SEC14L1: variants seen among roughly 807,000 people sequenced by gnomAD.
The protein encoded by SEC14L1 is SEC14 like lipid binding 1, also known as SEC14-like protein 1.
A neutral mutation model predicts 85.3 loss-of-function variants in SEC14L1; 48 were observed. The ratio of observed to expected loss-of-function variants is 0.56; its 90% CI spans 0.45 to 0.72. The LOEUF (loss-of-function observed/expected upper bound fraction) is 0.72. Among genes scored for constraint, SEC14L1 ranks in the 30% least tolerant of loss-of-function variants. SEC14L1 has a pLI of 0.00. For missense variants in SEC14L1, 682 were observed against 921.4 expected (o/e 0.74, Z 3.36); for synonymous variants, 391 against 355.5 (o/e 1.10, Z -1.12).
chr17:77,153,167 C>T (rs1973643616), intron 3 of SEC14L1, among the ~76,000 whole-genome samples: 1 of 152,084 alleles, frequency 6.6e-6, no homozygotes, highest in African/African-American at 2.4e-5. Flanking sequence ...TCCCGGGTTC[C>T]AGCGATTCTC....
At chr17:77,104,803 A>G (rs977138265) in intron 3 of SEC14L1, among the ~76,000 whole-genome samples, 2 of 151,288 alleles carry the variant, frequency 1.3e-5, no homozygotes, top group Admixed American at 6.6e-5. Context: ...AAAAAAAAAA[A>G]AAAAGAAAGT....
At chr17:77,124,744 G>A (rs1355885870) in intron 3 of SEC14L1, among the ~76,000 whole-genome samples, 1 of 152,130 alleles carries the variant, frequency 6.6e-6, no homozygotes, top group Non-Finnish European at 1.5e-5. Context: ...CAGGTTTACT[G>A]AGTCCATATA....
intron 3 of SEC14L1, among the ~76,000 whole-genome samples, chr17:77,168,865 A>G (rs762623143): frequency 3.3e-5 from 5 of 152,084 alleles, no homozygotes; most frequent in Non-Finnish European, 5.9e-5. Flanking sequence ...ATTTTTGTTT[A>G]TAGTTGACCA....
chr17:77,209,516 T>C, intron 14 of SEC14L1, 40 bp downstream of exon 14: 2 of 1,605,284 alleles, frequency 1.2e-6, no homozygotes, highest in Non-Finnish European at 1.7e-6. Flanking sequence ...CGGCCCTTCC[T>C]CCGCAGAGGG....
intron 3 of SEC14L1, among the ~76,000 whole-genome samples, chr17:77,099,657 G>A (rs1971722052): frequency 6.6e-6 from 1 of 152,180 alleles, no homozygotes; most frequent in Non-Finnish European, 1.5e-5. Flanking sequence ...CTTGGAGGCT[G>A]AGGCAGGAGA....
In SEC14L1 at chr17:77,213,902, C is replaced by T. The variant is rs981973550; in HGVS notation, c.2043-16C>T. ...AGGGTGGTCCTCACGCCTCGCCCCT[C>T]CCTGTGCCATTACAGAGGTTCCATG... On this transcript the variant is annotated splice_polypyrimidine_tract_variant and intron_variant, in intron 16 of 16. Coordinates refer to ENST00000436233, the MANE Select transcript of SEC14L1 (RefSeq NM_001143998.2). This position sits in a 1 kb window ranked among gnomAD's most constrained non-coding sequence, Gnocchi z 7.1. 1 of 1,612,060 alleles carries T rather than the reference C, an allele frequency of 6.2e-7. No homozygotes were observed. Among genetic ancestry groups the T allele is most frequent in the Non-Finnish European group, 8.5e-7 (1 of 1,179,126 alleles).
Position 77,214,542 on chromosome 17 carries a change from G to T in SEC14L1, c.*519G>T. On this transcript the variant is annotated 3_prime_UTR_variant, in exon 17 of 17. Coordinates refer to ENST00000436233, the MANE Select transcript of SEC14L1 (RefSeq NM_001143998.2). ...TGTGGACTTAGGGCCAGCCCTTGAG[G>T]TCCTTATCCTCTGAGGATTCAGAGG... is the stretch of plus-strand genomic sequence containing the variant. 1.0e-6 allele frequency: 1 copy of T among 992,712 alleles called. No individual in the cohort carries two copies. The highest frequency in any genetic ancestry group is 1.2e-6 in the Non-Finnish European group (1 of 834,058). 61.5% of individuals were successfully genotyped at this position (992,712 alleles called of 1,614,324 possible).
intron 13 of SEC14L1, among the ~76,000 whole-genome samples, chr17:77,207,215 A>G (rs1470795821): frequency 6.6e-6 from 1 of 151,824 alleles, no homozygotes; most frequent in Non-Finnish European, 1.5e-5. Flanking sequence ...CAGTTCTCAA[A>G]ATTTCCCACC....
chr17:77,179,982 A>T (rs1250134662), intron 3 of SEC14L1, among the ~76,000 whole-genome samples: 3 of 141,668 alleles, frequency 2.1e-5, no homozygotes, highest in Non-Finnish European at 4.7e-5. Context: ...TGGCCTACGT[A>T]TTTGTTTTTA....
chr17:77,213,726 C>A lies in SEC14L1; in HGVS notation c.2043-192C>A. 1.2e-6 allele frequency: 1 copy of A among 864,406 alleles called. No homozygotes were observed. The highest frequency in any genetic ancestry group is 1.9e-6 in the Non-Finnish European group (1 of 532,672). 53.5% of individuals were successfully genotyped at this position (864,406 alleles called of 1,614,324 possible). ...ACTGCCTTTGCTTTAGCTCACACTG[C>A]CGTCTGCGTGCAGGCTGTGGGAAGC... is the stretch of plus-strand genomic sequence containing the variant. On this transcript the variant is annotated intron_variant, in intron 16 of 16. Transcript: ENST00000436233. The surrounding 1 kb of genome is among the most constrained non-coding windows in gnomAD (Gnocchi z 7.1).
At chr17:77,183,221 T>C (rs2143751969) in intron 3 of SEC14L1, among the ~76,000 whole-genome samples, 1 of 152,400 alleles carries the variant, frequency 6.6e-6, no homozygotes, top group South Asian at 2.1e-4. Context: ...TTTCAAACTA[T>C]TAATGGCTTT....
At chr17:77,136,903 TTTTC>T (rs1347252377), upstream of SEC14L1, among the ~76,000 whole-genome samples, 7 of 151,606 alleles carry the variant, frequency 4.6e-5, no homozygotes, top group Non-Finnish European at 7.4e-5. Context: ...AATAATTTCT[TTTTC>T]TTTCTTTTTT....
At chr17:77,096,552 C>T (rs563027613) in intron 3 of SEC14L1, among the ~76,000 whole-genome samples, 2 of 128,314 alleles carry the variant, frequency 1.6e-5, no homozygotes, top group African/African-American at 3.6e-5. Flanking sequence ...GAGACTCCAT[C>T]TCAAAAAAAA....
At chr17:77,091,740 G>A (rs183089408) in intron 2 of SEC14L1, among the ~76,000 whole-genome samples, 2 of 152,238 alleles carry the variant, frequency 1.3e-5, no homozygotes, top group African/African-American at 4.8e-5. Flanking sequence ...TGAAGGTTGA[G>A]ATTATGCTTC....
chr17:77,193,694 C>A, intron 6 of SEC14L1, 145 bp downstream of exon 6: 1 of 840,756 alleles, frequency 1.2e-6, no homozygotes, highest in Non-Finnish European at 1.8e-6. Context: ...CCTGCCTCAT[C>A]TTTAGGTATA....
intron 9 of SEC14L1, among the ~76,000 whole-genome samples, chr17:77,202,951 AAC>A (rs1222659623): frequency 1.3e-5 from 2 of 149,300 alleles, no homozygotes; most frequent in Non-Finnish European, 3.0e-5. Flanking sequence ...AAAAAAAAAA[AAC>A]AGAGTAGAGC....
At chr17:77,120,536 G>T (rs1338916834) in intron 3 of SEC14L1, among the ~76,000 whole-genome samples, 1 of 151,998 alleles carries the variant, frequency 6.6e-6, no homozygotes, top group Admixed American at 6.6e-5. Context: ...GAGTGCGGTG[G>T]CACGATCTCG....
At position 77,172,964 on chromosome 17, in the gene SEC14L1, C is replaced by T. The variant is rs571927242; in HGVS notation, c.64-17839C>T. Among the ~76,000 whole-genome samples the T allele has an allele frequency of 9.9e-5, 15 of 152,164 alleles. No individual in the cohort carries two copies. The East Asian group carries it at 1.2e-3, about 12-fold the overall frequency. ...GACGTTCTGACCTGGGGGATGCTCACGTTCCCAAATTGTCATAGCAGCCCT... is the reference window on the plus strand; with the variant it reads ...GACGTTCTGACCTGGGGGATGCTCATGTTCCCAAATTGTCATAGCAGCCCT... On this transcript the variant is annotated intron_variant, in intron 3 of 16. Transcript: ENST00000436233.
intron 3 of SEC14L1, among the ~76,000 whole-genome samples, chr17:77,114,703 C>T (rs1316138862): frequency 7.9e-5 from 12 of 151,092 alleles, no homozygotes; most frequent in East Asian, 2.0e-4. Flanking sequence ...GGCATGGTGG[C>T]GCATGCCTGT....
Sources: gnomAD v4.1 joint callset for allele counts (sites outside exome capture counted in the v4.1 genomes callset) on GRCh38, gnomAD v4.1.1 for gene constraint, Gnocchi (gnomAD v3.1) non-coding constraint, MANE v1.5 for transcripts, NCBI Gene and HGNC (gene_info 2026-07-23, HGNC 2026-07-21) for gene names.